SULF2: variants seen among roughly 807,000 people sequenced by gnomAD.
SULF2 encodes the protein sulfatase 2.
Under a neutral mutation model 107.7 loss-of-function variants are expected in SULF2, and 52 were observed. That is an observed-to-expected ratio of 0.48 (90% CI 0.39 to 0.61). The LOEUF (loss-of-function observed/expected upper bound fraction) is 0.61, where lower values mean the gene tolerates loss of function less well. Among genes scored for constraint, SULF2 ranks in the 20% least tolerant of loss-of-function variants. The probability of loss-of-function intolerance (pLI) is 0.00; values close to 1 mark genes in which losing one functional copy is unlikely to be tolerated. For missense variants in SULF2, 993 were observed against 1,177.3 expected (o/e 0.84, Z 2.29); for synonymous variants, 460 against 464.3 (o/e 0.99, Z 0.12).
At chr20:47,665,823 C>T in intron 13 of SULF2, 34 bp downstream of exon 13, 1 of 1,578,454 alleles carries the variant, frequency 6.3e-7, no homozygotes, top group African/African-American at 1.3e-5. Flanking sequence ...CCCGTGGTGG[C>T]CGAGAGCATG....
Position 47,677,139 on chromosome 20 carries a change from A to T in SULF2, c.1194-5T>A, listed in dbSNP as rs1161477612. The T allele has an allele frequency of 2.5e-6, 4 of 1,613,240 alleles. No individual in the cohort carries two copies. The Admixed American group carries it at 6.7e-5, about 27-fold the overall frequency. On this transcript the variant is annotated splice_region_variant and splice_polypyrimidine_tract_variant and intron_variant, in intron 8 of 20. Coordinates refer to ENST00000688720, the MANE Select transcript of SULF2 (RefSeq NM_001387048.1). Reference sequence around the variant, plus strand: ...ATCTTCTTTTTCAAGTGAAACCTGGAAAAAAGCACGGCTCCTGCTTCTCAG... The same window carrying T: ...ATCTTCTTTTTCAAGTGAAACCTGGTAAAAAGCACGGCTCCTGCTTCTCAG...
chr20:47,693,631 G>A (rs2088277650), intron 4 of SULF2, among the ~76,000 whole-genome samples: 1 of 152,208 alleles, frequency 6.6e-6, no homozygotes, highest in Non-Finnish European at 1.5e-5. Flanking sequence ...TGTATGATAT[G>A]ATATCATTTA....
intron 3 of SULF2, among the ~76,000 whole-genome samples, chr20:47,732,034 G>A (rs1165585255): frequency 1.3e-5 from 2 of 151,188 alleles, no homozygotes; most frequent in Admixed American, 1.3e-4. Flanking sequence ...TGTGCAAATC[G>A]TCATCGTCAT....
chr20:47,693,450 G>A (rs1415103258), intron 4 of SULF2, among the ~76,000 whole-genome samples: 3 of 152,202 alleles, frequency 2.0e-5, no homozygotes, highest in Non-Finnish European at 4.4e-5. Context: ...TTTGGCCGTG[G>A]TTAAACTTTT....
At chr20:47,727,066 G>T (rs2089464302) in intron 3 of SULF2, among the ~76,000 whole-genome samples, 1 of 150,086 alleles carries the variant, frequency 6.7e-6, no homozygotes. Flanking sequence ...TATGGGGGGG[G>T]GCGGGGTTTA....
intron 3 of SULF2, among the ~76,000 whole-genome samples, chr20:47,703,162 G>A (rs1052923455): frequency 1.3e-5 from 2 of 152,188 alleles, no homozygotes; most frequent in Non-Finnish European, 2.9e-5. Flanking sequence ...TGACCAAAGT[G>A]TTGGGATTAC....
intron 3 of SULF2, among the ~76,000 whole-genome samples, chr20:47,730,689 C>T (rs893998235): frequency 6.6e-6 from 1 of 152,192 alleles, no homozygotes; most frequent in African/African-American, 2.4e-5. Flanking sequence ...ACCTTGTGAT[C>T]CACCCTCCTC....
At chr20:47,772,712 C>T (rs1020595286) in intron 1 of SULF2, among the ~76,000 whole-genome samples, 14 of 152,138 alleles carry the variant, frequency 9.2e-5, no homozygotes, top group South Asian at 6.2e-4. Context: ...GTCTCCTGCC[C>T]GACCCTCCTC....
chr20:47,708,358 C>G lies in SULF2; in HGVS notation c.416-5688G>C, dbSNP rs2088815959. Among the ~76,000 whole-genome samples the G allele has an allele frequency of 2.6e-5, 4 of 151,996 alleles. No individual in the cohort carries two copies. The South Asian group carries it at 8.3e-4, about 32-fold the overall frequency. ...TACAAACGTGGGGGCATCGCAGAAC[C>G]CAAGGGGGACAGTGAGGGAGGGAGG... On this transcript the variant is annotated intron_variant, in intron 3 of 20. Transcript: ENST00000688720.
chr20:47,767,925 T>A (rs987653701), intron 1 of SULF2, among the ~76,000 whole-genome samples: 21 of 140,736 alleles, frequency 1.5e-4, no homozygotes, highest in Admixed American at 1.0e-3. Context: ...AAAAAAAAAA[T>A]ATTGGGGGAT....
At chr20:47,695,773 C>G (rs184054331) in intron 4 of SULF2, among the ~76,000 whole-genome samples, 3 of 152,284 alleles carry the variant, frequency 2.0e-5, no homozygotes, top group Admixed American at 1.3e-4. Context: ...CCACCATGTC[C>G]AGCTAATTTT....
At chr20:47,701,958 C>G (rs911299569) in intron 4 of SULF2, among the ~76,000 whole-genome samples, 1 of 152,208 alleles carries the variant, frequency 6.6e-6, no homozygotes, top group African/African-American at 2.4e-5. Flanking sequence ...TTGAATGGTA[C>G]ACTCTGTGTA....
chr20:47,731,210 T>TTTTG (rs1491437167), intron 3 of SULF2, among the ~76,000 whole-genome samples: 3 of 135,764 alleles, frequency 2.2e-5, no homozygotes, highest in African/African-American at 6.2e-5. Flanking sequence ...TTTTTTTTTT[T>TTTTG]GAGACAGAGT....
chr20:47,690,385 G>A (rs1011571220), intron 4 of SULF2, 90 bp from the exon 5 acceptor site: 1 of 1,065,950 alleles, frequency 9.4e-7, no homozygotes, highest in Admixed American at 3.6e-5. Flanking sequence ...CTAGGCACTG[G>A]GGACACAATA....
chr20:47,659,490 C>T (rs1174248178), intron 19 of SULF2, 38 bp from the exon 20 acceptor site: 3 of 1,607,454 alleles, frequency 1.9e-6, no homozygotes, highest in Middle Eastern at 3.3e-4. Flanking sequence ...GAATGTTAAC[C>T]ATCACCAAGA....
At position 47,665,313 on chromosome 20, in the gene SULF2, G is replaced by A. The variant is rs984705537; in HGVS notation, c.1903-20C>T. 2 of 1,521,648 alleles carry A rather than the reference G, an allele frequency of 1.3e-6. No homozygotes were observed. Among genetic ancestry groups the A allele is most frequent in the Non-Finnish European group, 1.8e-6 (2 of 1,095,948 alleles). The allele number at this position is 1,521,648 out of a possible 1,614,324, so 94.3% of individuals were successfully genotyped here. On this transcript the variant is annotated intron_variant, in intron 13 of 20. Transcript: ENST00000688720. Reference sequence around the variant, plus strand: ...TTCAATCTGAGGGAGGGGCAGAAGAGGAGGCCTTGAAACCTTCAAGGCTGG... The same window carrying A: ...TTCAATCTGAGGGAGGGGCAGAAGAAGAGGCCTTGAAACCTTCAAGGCTGG...
In SULF2 at chr20:47,715,418, G is replaced by A. The variant is rs1412537541; in HGVS notation, c.416-12748C>T. On this transcript the variant is annotated intron_variant, in intron 3 of 20. Coordinates refer to ENST00000688720, the MANE Select transcript of SULF2 (RefSeq NM_001387048.1). ...AGAGTACCAGCCCCATGAGGGCAGC[G>A]GCTTTCTGAGTCCCTTGTCCCCTGT... is the stretch of plus-strand genomic sequence containing the variant. 3.9e-5 allele frequency among the ~76,000 whole-genome samples: 6 copies of A among 152,090 alleles called. No homozygotes were observed. The East Asian group carries it at 7.7e-4, about 20-fold the overall frequency.
In SULF2 at chr20:47,711,180, C is replaced by T. The variant is rs1462363515; in HGVS notation, c.416-8510G>A. Reference sequence around the variant, plus strand: ...ACATGTCCCCGCCATGCCGGGCCGGCGTAGGAACACGCTGTTCCTCCCAGC... The same window carrying T: ...ACATGTCCCCGCCATGCCGGGCCGGTGTAGGAACACGCTGTTCCTCCCAGC... On this transcript the variant is annotated intron_variant, in intron 3 of 20. Coordinates refer to ENST00000688720, the MANE Select transcript of SULF2 (RefSeq NM_001387048.1). 2.0e-5 allele frequency among the ~76,000 whole-genome samples: 3 copies of T among 152,234 alleles called. No individual in the cohort carries two copies. In the East Asian group the frequency reaches 5.8e-4, roughly 29 times the overall value.
At chr20:47,769,027 C>T (rs926492327) in intron 1 of SULF2, among the ~76,000 whole-genome samples, 44 of 136,294 alleles carry the variant, frequency 3.2e-4, no homozygotes, top group Non-Finnish European at 4.8e-4. Flanking sequence ...ATTACAGGCA[C>T]CCGCCACCAT....
Sources: allele counts gnomAD v4.1 joint callset (sites outside exome capture counted in the v4.1 genomes callset), GRCh38; gene constraint gnomAD v4.1.1; transcripts MANE v1.5; gene names NCBI Gene and HGNC (gene_info 2026-07-23, HGNC 2026-07-21).